SKAP1: variants seen among roughly 807,000 people sequenced by gnomAD.
SKAP1 encodes the protein src kinase associated phosphoprotein 1.
A neutral mutation model predicts 58.5 loss-of-function variants in SKAP1; 44 were observed. The observed-to-expected ratio is 0.75, with a 90% CI of 0.59 to 0.97. The LOEUF (loss-of-function observed/expected upper bound fraction) is 0.97. SKAP1 is among the 50% of genes least tolerant of loss of function. The pLI is 0.00. For missense variants in SKAP1, 390 were observed against 435.2 expected (o/e 0.90, Z 0.92); for synonymous variants, 127 against 149.7 (o/e 0.85, Z 1.11).
intron 4 of SKAP1, among the ~76,000 whole-genome samples, chr17:48,331,703 A>C (rs1255737793): frequency 6.9e-6 from 1 of 144,750 alleles, no homozygotes; most frequent in Admixed American, 6.9e-5. Context: ...CGTCTCAAGG[A>C]AAAAAAAAAA....
At chr17:48,431,881 T>C (rs1451067771), upstream of SKAP1, among the ~76,000 whole-genome samples, 1 of 152,020 alleles carries the variant, frequency 6.6e-6, no homozygotes, top group Non-Finnish European at 1.5e-5. Flanking sequence ...GAAGAAACCA[T>C]CGAGAAGGAT....
At chr17:48,235,170 G>C (rs1272568973) in intron 4 of SKAP1, among the ~76,000 whole-genome samples, 2 of 152,172 alleles carry the variant, frequency 1.3e-5, no homozygotes, top group South Asian at 4.1e-4. Flanking sequence ...TTTGGAAAAA[G>C]AGAGATGTGG....
intron 4 of SKAP1, among the ~76,000 whole-genome samples, chr17:48,303,938 A>G (rs922191847): frequency 3.9e-5 from 6 of 152,208 alleles, no homozygotes; most frequent in Non-Finnish European, 7.4e-5. Context: ...AAACATCATA[A>G]TATGTGTGAG....
chr17:48,243,416 G>A (rs2065262282), intron 4 of SKAP1, among the ~76,000 whole-genome samples: 4 of 152,082 alleles, frequency 2.6e-5, no homozygotes, highest in Admixed American at 1.3e-4. Flanking sequence ...TCTCTTTGTG[G>A]TTTTGAGCTT....
chr17:48,292,592 C>T lies in SKAP1; in HGVS notation c.280+53313G>A, dbSNP rs556629573. ...TATTTACAAGATTATTAAATAATTACCTTATGGGGAAGTTCTGTCAGAACA... is the reference window on the plus strand; with the variant it reads ...TATTTACAAGATTATTAAATAATTATCTTATGGGGAAGTTCTGTCAGAACA... On this transcript the variant is annotated intron_variant, in intron 4 of 12. Coordinates refer to ENST00000336915, the MANE Select transcript of SKAP1 (RefSeq NM_003726.4). Among the ~76,000 whole-genome samples, 14 of 152,166 alleles carry T rather than the reference C, an allele frequency of 9.2e-5. No homozygotes were observed. In the East Asian group the frequency reaches 2.7e-3, roughly 29 times the overall value.
At chr17:48,434,888 CGAGGCAGGGGGATCACTT>C (rs1378269465), upstream of SKAP1, among the ~76,000 whole-genome samples, 1 of 152,012 alleles carries the variant, frequency 6.6e-6, no homozygotes, top group Non-Finnish European at 1.5e-5. Flanking sequence ...TTTGGGAGGC[CGAGGCAGGGGGATCACTT>C]GAGGCAGGGG....
chr17:48,261,009 T>C (rs1274070014), intron 4 of SKAP1, among the ~76,000 whole-genome samples: 2 of 152,234 alleles, frequency 1.3e-5, no homozygotes, highest in African/African-American at 2.4e-5. Flanking sequence ...CTGATGTGAA[T>C]TTAATCACTC....
chr17:48,401,955 TGAGAAAAG>T (rs1316341618), intron 1 of SKAP1, among the ~76,000 whole-genome samples: 1 of 151,902 alleles, frequency 6.6e-6, no homozygotes, highest in Non-Finnish European at 1.5e-5. Flanking sequence ...AACTGAAAAA[TGAGAAAAG>T]GAACTGAATA....
intron 1 of SKAP1, among the ~76,000 whole-genome samples, chr17:48,403,211 A>T (rs2144553921): frequency 6.6e-6 from 1 of 151,750 alleles, no homozygotes; most frequent in South Asian, 2.1e-4. Context: ...AAAAAAAAAA[A>T]AAAAAGTTTT....
intron 4 of SKAP1, among the ~76,000 whole-genome samples, chr17:48,199,632 A>G (rs1308247036): frequency 6.6e-6 from 1 of 152,078 alleles, no homozygotes; most frequent in African/African-American, 2.4e-5. Flanking sequence ...GGGACCCTAA[A>G]TCTTTTCCTC....
At chr17:48,212,827 T>C (rs1274432149) in intron 4 of SKAP1, among the ~76,000 whole-genome samples, 1 of 152,206 alleles carries the variant, frequency 6.6e-6, no homozygotes, top group Non-Finnish European at 1.5e-5. Flanking sequence ...GTATGGCTAT[T>C]TACCTCAGTT....
rs150092393 is a variant in SKAP1 at position 48,273,097 on chromosome 17, A to T, written c.280+72808T>A. 4.7e-3 allele frequency among the ~76,000 whole-genome samples: 713 copies of T among 152,296 alleles called. 4 individuals carry two copies. The highest frequency in any genetic ancestry group is 0.016 in the African/African-American group (664 of 41,564). On this transcript the variant is annotated intron_variant, in intron 4 of 12. Coordinates refer to ENST00000336915, the MANE Select transcript of SKAP1 (RefSeq NM_003726.4). The stretch of plus-strand genomic sequence containing the variant: ...GGGAATGGAGCTTCTCTATGTAAAG[A>T]TGTTTATTTCTACTGGATTTAGAAC...
At chr17:48,386,190 G>A (rs1463877671) in intron 2 of SKAP1, among the ~76,000 whole-genome samples, 1 of 152,006 alleles carries the variant, frequency 6.6e-6, no homozygotes. Flanking sequence ...AATAAAGAGG[G>A]TCTTTTGTTG....
intron 4 of SKAP1, among the ~76,000 whole-genome samples, chr17:48,190,879 G>A (rs1050292900): frequency 1.3e-5 from 2 of 152,150 alleles, no homozygotes; most frequent in Non-Finnish European, 2.9e-5. Context: ...CAGCTACTCG[G>A]GAGGATGAGG....
intron 3 of SKAP1, among the ~76,000 whole-genome samples, chr17:48,357,382 G>T (rs1225003276): frequency 2.0e-5 from 3 of 152,154 alleles, no homozygotes; most frequent in African/African-American, 4.8e-5. Context: ...TATAATCCCA[G>T]CACTTTGGGA....
At chr17:48,215,505 C>T (rs938196897) in intron 4 of SKAP1, among the ~76,000 whole-genome samples, 6 of 152,132 alleles carry the variant, frequency 3.9e-5, no homozygotes, top group African/African-American at 9.7e-5. Context: ...ATTGGGCAGA[C>T]GGAGGCTTTG....
At chr17:48,295,576 T>A (rs1273547221) in intron 4 of SKAP1, 2 of 151,970 alleles carry the variant, frequency 1.3e-5, no homozygotes, top group Non-Finnish European at 2.9e-5. Flanking sequence ...GATCAGGAAA[T>A]GTCTTCAGTT....
rs77858273 is a variant in SKAP1 at position 48,379,259 on chromosome 17, C to A, written c.153-15445G>T. ...CAAGAATCCAATATATAAATACAATCAATTTGTTTCCTCATTAGAAGCTTT... is the reference window on the plus strand; with the variant it reads ...CAAGAATCCAATATATAAATACAATAAATTTGTTTCCTCATTAGAAGCTTT... On this transcript the variant is annotated intron_variant, in intron 2 of 12. Coordinates refer to ENST00000336915, the MANE Select transcript of SKAP1 (RefSeq NM_003726.4). Among the ~76,000 whole-genome samples, 1,009 of 152,234 alleles carry A rather than the reference C, an allele frequency of 6.6e-3. 67 individuals are homozygous for A. In the East Asian group the frequency reaches 0.15, roughly 22 times the overall value.
At chr17:48,292,525 C>T (rs536304423) in intron 4 of SKAP1, among the ~76,000 whole-genome samples, 2 of 152,186 alleles carry the variant, frequency 1.3e-5, no homozygotes, top group Admixed American at 1.3e-4. Flanking sequence ...AGAAAAAATA[C>T]TACATCACAA....
Sources: gnomAD v4.1 joint callset for allele counts (sites outside exome capture counted in the v4.1 genomes callset) on GRCh38, gnomAD v4.1.1 for gene constraint, MANE v1.5 for transcripts, NCBI Gene and HGNC (gene_info 2026-07-23, HGNC 2026-07-21) for gene names.